Variants in NDRG4 observed in about 807,000 individuals in gnomAD.
The protein encoded by NDRG4 is protein NDRG4.
Under a neutral mutation model 55.8 loss-of-function variants are expected in NDRG4, and 38 were observed. The ratio of observed to expected loss-of-function variants is 0.68; its 90% confidence interval spans 0.53 to 0.89. The LOEUF is 0.89. Ranked by LOEUF, NDRG4 falls within the 40% of genes least tolerant of loss-of-function variation. The pLI is 0.00. For missense variants in NDRG4, 455 were observed against 468.6 expected, an observed-to-expected ratio of 0.97 and a Z score of 0.27; for synonymous variants, 190 against 182.7, an observed-to-expected ratio of 1.04 and a Z score of -0.32.
Position 58,510,690 on chromosome 16 carries a change from C to T in NDRG4, c.904+7C>T. 1 of 1,535,896 alleles carries T rather than the reference C, an allele frequency of 6.5e-7. No homozygotes were observed. Among genetic ancestry groups the T allele is most frequent in the Non-Finnish European group, 8.7e-7 (1 of 1,146,836 alleles). On this transcript the variant is annotated splice_region_variant and intron_variant, in intron 14 of 14. Transcript: ENST00000570248. Reference sequence around the variant, plus strand: ...AGGCTGAGTGGAGGAGCAGGTAGCCCCACGGCCCTTCCCCTGATGCATGGA... The same window carrying T: ...AGGCTGAGTGGAGGAGCAGGTAGCCTCACGGCCCTTCCCCTGATGCATGGA...
chr16:58,475,567 T>C (rs977429509), intron 1 of NDRG4: 1 of 454,362 alleles, frequency 2.2e-6, no homozygotes, highest in South Asian at 1.6e-5. Context: ...AAACCCATGG[T>C]AATAATAAGT....
chr16:58,480,459 G>A (rs757603358), intron 1 of NDRG4, among the ~76,000 whole-genome samples: 1 of 152,194 alleles, frequency 6.6e-6, no homozygotes, highest in Non-Finnish European at 1.5e-5. Flanking sequence ...TCACTGACCT[G>A]GAAGCCTCTT....
At position 58,464,506 on chromosome 16, in the gene NDRG4, G is replaced by C; in HGVS notation, c.-24+709G>C. ...GCCCCGCAGCCGGCCGCCACTTTCC[G>C]AGTTGGAGCGGACTCCGGGCGCGGC... On this transcript the variant is annotated intron_variant, in intron 1 of 15. Transcript: ENST00000258187. The surrounding 1 kb of genome is among the most constrained non-coding windows in gnomAD (Gnocchi z 4.8). The C allele has an allele frequency of 7.7e-7, 1 of 1,301,866 alleles. No homozygotes were observed. The highest frequency in any genetic ancestry group is 9.8e-7 in the Non-Finnish European group (1 of 1,023,406). The allele number at this position is 1,301,866 out of a possible 1,614,324, so 80.6% of individuals were successfully genotyped here.
In NDRG4 at chr16:58,492,489, CGTGTGTGTGTGTGTGTGTGTGTGTGT is replaced by C. The variant is rs58901035; in HGVS notation, c.73-2437_73-2412del. On this transcript the variant is annotated intron_variant, in intron 2 of 15. Transcript: ENST00000258187. Reference sequence around the variant, plus strand: ...CACACCCTGCCATTATCTGCTCCACCGTGTGTGTGTGTGTGTGTGTGTGTGTGTGTGTGTGTGTGTGTGTGTGTGTG... The same window carrying C: ...CACACCCTGCCATTATCTGCTCCACCGTGTGTGTGTGTGTGTGTGTGTGTG... Among the ~76,000 whole-genome samples, 289 of 124,042 alleles carry C rather than the reference CGTGTGTGTGTGTGTGTGTGTGTGTGT, an allele frequency of 2.3e-3. 1 individual carries two copies. Among genetic ancestry groups the C allele is most frequent in the South Asian group, 8.4e-3 (30 of 3,584 alleles). The allele number at this position is 124,042 out of a possible 152,430, so 81.4% of individuals were successfully genotyped here.
At chr16:58,479,400 C>T (rs1223764547) in intron 1 of NDRG4, among the ~76,000 whole-genome samples, 4 of 152,170 alleles carry the variant, frequency 2.6e-5, no homozygotes, top group South Asian at 2.1e-4. Flanking sequence ...CTCCTCCACT[C>T]GGCTGTGCAG....
In NDRG4 at chr16:58,504,373, C is replaced by T. The variant is rs1287967514; in HGVS notation, c.263C>T (p.Ser88Phe). 1 of 1,613,418 alleles carries T rather than the reference C, an allele frequency of 6.2e-7. No homozygotes were observed. The highest frequency in any genetic ancestry group is 2.2e-5 in the East Asian group (1 of 44,876). The change falls in exon 4 of 15, where the codon TCC becomes TTC. Residue 88 changes from serine to phenylalanine, a missense_variant. Ser to Phe is a radical substitution (Grantham distance 155). Transcript: ENST00000570248. Reference sequence around the variant, plus strand: ...TCTGCCTGCAGGTACCAGTTCCCCTCCATGGAGCAGCTGGCTGCCATGCTC... The same window carrying T: ...TCTGCCTGCAGGTACCAGTTCCCCTTCATGGAGCAGCTGGCTGCCATGCTC... ...SQFPQGYQFP[S>F]MEQLAAMLPS...
rs538481623 is a variant in NDRG4, at chr16:58,490,751, C to T, written c.72+2901C>T. ...CAGCACTTTGGGAGCCCAAGGTGGG[C>T]GGGTCACCTGAGATCCGGAGTTCAA... On this transcript the variant is annotated intron_variant, in intron 2 of 15. Coordinates refer to the NDRG4 transcript ENST00000258187. Among the ~76,000 whole-genome samples the T allele has an allele frequency of 4.5e-4, 69 of 152,252 alleles. 1 individual carries two copies. Among genetic ancestry groups the T allele is most frequent in the Admixed American group, 2.6e-4 (4 of 15,300 alleles).
chr16:58,505,119 G>C (rs940143193), intron 5 of NDRG4, among the ~76,000 whole-genome samples: 1 of 152,168 alleles, frequency 6.6e-6, no homozygotes, highest in Non-Finnish European at 1.5e-5. Flanking sequence ...GGAGGCCAAG[G>C]TGGGCAGATC....
intron 5 of NDRG4, 28 bp downstream of exon 5, chr16:58,504,677 C>T (rs2037617773): frequency 1.9e-6 from 3 of 1,613,798 alleles, no homozygotes; most frequent in Admixed American, 3.3e-5. Flanking sequence ...CCCATTACCC[C>T]AAACACCAGG....
intron 1 of NDRG4, among the ~76,000 whole-genome samples, chr16:58,480,104 T>C (rs931421750): frequency 2.0e-4 from 30 of 152,270 alleles, no homozygotes; most frequent in African/African-American, 7.2e-4. Context: ...AGGCTGCATC[T>C]GCCCCTCCGA....
At chr16:58,475,887 C>G (rs1195471931) in intron 1 of NDRG4, among the ~76,000 whole-genome samples, 1 of 152,116 alleles carries the variant, frequency 6.6e-6, no homozygotes, top group Non-Finnish European at 1.5e-5. Flanking sequence ...ACTTCTGCCT[C>G]CCAGGTTCAA....
chr16:58,491,960 T>G (rs1316641788), intron 2 of NDRG4, among the ~76,000 whole-genome samples: 1 of 151,988 alleles, frequency 6.6e-6, no homozygotes, highest in Non-Finnish European at 1.5e-5. Flanking sequence ...TTTTCTATTT[T>G]GTAGAGACAT....
intron 1 of NDRG4, among the ~76,000 whole-genome samples, chr16:58,474,771 G>A (rs2033396812): frequency 6.6e-6 from 1 of 152,196 alleles, no homozygotes; most frequent in Non-Finnish European, 1.5e-5. Flanking sequence ...CCACTCCTGG[G>A]GTATGGACAT....
Position 58,504,347 on chromosome 16 carries a change from C to T in NDRG4, c.249-12C>T, listed in dbSNP as rs374372943. 4.3e-6 allele frequency: 7 copies of T among 1,613,700 alleles called. No individual in the cohort carries two copies. Among genetic ancestry groups the T allele is most frequent in the African/African-American group, 1.3e-5 (1 of 74,924 alleles). ...GCCACACCTGGGCCCTGACCTCCTG[C>T]TCTGCCTGCAGGTACCAGTTCCCCT... On this transcript the variant is annotated splice_polypyrimidine_tract_variant and intron_variant, in intron 3 of 14. Transcript: ENST00000570248.
exon 2 of NDRG4, chr16:58,487,790 G>A: frequency 1.3e-6 from 2 of 1,544,008 alleles, no homozygotes; most frequent in Non-Finnish European, 1.7e-6. Flanking sequence ...TGGCCGGGCT[G>A]CAGGAGCTGC....
intron 2 of NDRG4, among the ~76,000 whole-genome samples, chr16:58,491,624 C>A (rs1311636517): frequency 1.3e-5 from 2 of 151,992 alleles, no homozygotes; most frequent in Non-Finnish European, 2.9e-5. Flanking sequence ...CCACACCCGG[C>A]TAATTTTGTA....
intron 2 of NDRG4, among the ~76,000 whole-genome samples, chr16:58,491,011 T>C (rs1050107495): frequency 6.6e-6 from 1 of 151,076 alleles, no homozygotes; most frequent in Non-Finnish European, 1.5e-5. Flanking sequence ...GCATGGTGGC[T>C]CACACCTATA....
intron 1 of NDRG4, chr16:58,475,742 G>T: frequency 2.2e-6 from 1 of 445,930 alleles, no homozygotes; most frequent in Non-Finnish European, 4.5e-6. Context: ...TCAAGCTCCT[G>T]CCATCACATC....
Position 58,512,226 on chromosome 16 carries a change from TG to T in NDRG4, c.*651del. 2.5e-6 allele frequency: 1 copy of T among 401,950 alleles called. No homozygotes were observed. Among genetic ancestry groups the T allele is most frequent in the Non-Finnish European group, 4.9e-6 (1 of 202,224 alleles). The allele number at this position is 401,950 out of a possible 1,614,324, so 24.9% of individuals were successfully genotyped here. ...CCGTCAGGGCAGGAACCCCACAGAC[TG>T]TCCCTTCCAGCCCACACTCTGCCAC... On this transcript the variant is annotated 3_prime_UTR_variant, in exon 15 of 15. Coordinates refer to ENST00000570248, the MANE Select transcript of NDRG4 (RefSeq NM_001242835.2).
Sources: gnomAD v4.1 joint callset for allele counts (sites outside exome capture counted in the v4.1 genomes callset) on GRCh38, gnomAD v4.1.1 for gene constraint, Gnocchi (gnomAD v3.1) non-coding constraint, MANE v1.5 for transcripts, NCBI Gene and HGNC (gene_info 2026-07-23, HGNC 2026-07-21) for gene names.